Variants in NAALADL2 observed in about 807,000 individuals in gnomAD.
NAALADL2 encodes N-acetylated alpha-linked acidic dipeptidase like 2.
A neutral mutation model predicts 87.2 loss-of-function variants in NAALADL2; 76 were observed. The ratio of observed to expected loss-of-function variants is 0.87; its 90% CI spans 0.72 to 1.05. The LOEUF (loss-of-function observed/expected upper bound fraction) is 1.05. Ranked by LOEUF, NAALADL2 falls within the 50% of genes least tolerant of loss-of-function variation. The pLI is 0.00. For missense variants in NAALADL2, 1,089 were observed against 945.8 expected, an observed-to-expected ratio of 1.15 and a Z score of -1.99; for synonymous variants, 354 against 331.0, an observed-to-expected ratio of 1.07 and a Z score of -0.75.
intron 2 of NAALADL2, among the ~76,000 whole-genome samples, chr3:174,614,548 A>AC (rs771374189): frequency 6.6e-6 from 1 of 152,090 alleles, no homozygotes; most frequent in East Asian, 1.9e-4. Flanking sequence ...TTTTCTCTCC[A>AC]CCACACTGCC....
At chr3:175,233,825 A>G in intron 2 of NAALADL2, 106 bp from the exon 3 acceptor site, 1 of 664,506 alleles carries the variant, frequency 1.5e-6, no homozygotes, top group Non-Finnish European at 2.6e-6. Flanking sequence ...TCATCTTTCA[A>G]TATTCCACAA....
chr3:175,206,742 G>A (rs1740984736), intron 2 of NAALADL2, among the ~76,000 whole-genome samples: 1 of 152,008 alleles, frequency 6.6e-6, no homozygotes, highest in South Asian at 2.1e-4. Context: ...CCAACATTTG[G>A]GAATGATGCT....
At chr3:175,395,404 A>G (rs1769648308) in intron 5 of NAALADL2, among the ~76,000 whole-genome samples, 1 of 152,192 alleles carries the variant, frequency 6.6e-6, no homozygotes, top group Non-Finnish European at 1.5e-5. Flanking sequence ...CTTTTCTATC[A>G]TGCCTTGAAG....
intron 8 of NAALADL2, among the ~76,000 whole-genome samples, chr3:175,468,947 TTCTTAG>T (rs1724489958): frequency 6.6e-6 from 1 of 152,070 alleles, no homozygotes; most frequent in African/African-American, 2.4e-5. Context: ...ATTGTATATT[TTCTTAG>T]TCAATGATGC....
At chr3:174,738,374 A>G (rs973643117) in intron 3 of NAALADL2, among the ~76,000 whole-genome samples, 2 of 152,252 alleles carry the variant, frequency 1.3e-5, no homozygotes, top group Non-Finnish European at 2.9e-5. Flanking sequence ...CACTTCAGGA[A>G]CATAGACAAA....
At chr3:174,786,594 G>C (rs983585409) in intron 3 of NAALADL2, among the ~76,000 whole-genome samples, 26 of 140,898 alleles carry the variant, frequency 1.8e-4, no homozygotes, top group African/African-American at 6.4e-4. Flanking sequence ...AAGTAATACT[G>C]AGATTTTTTT....
chr3:175,455,858 A>C (rs1316139795), intron 6 of NAALADL2, among the ~76,000 whole-genome samples: 3 of 152,064 alleles, frequency 2.0e-5, no homozygotes, highest in Non-Finnish European at 2.9e-5. Flanking sequence ...ATGAAAGAAC[A>C]ATCTGGAAGT....
At chr3:175,060,301 G>A (rs1713154995) in intron 1 of NAALADL2, among the ~76,000 whole-genome samples, 1 of 152,132 alleles carries the variant, frequency 6.6e-6, no homozygotes, top group Admixed American at 6.5e-5. Flanking sequence ...CATATCTGTG[G>A]AGAAAGAAAG....
intron 1 of NAALADL2, among the ~76,000 whole-genome samples, chr3:175,019,688 C>T (rs769954315): frequency 2.0e-5 from 3 of 151,968 alleles, no homozygotes; most frequent in East Asian, 1.9e-4. Context: ...TCTGGAATGC[C>T]GTTAAGCAGT....
At chr3:175,299,592 G>C (rs901562197) in intron 4 of NAALADL2, among the ~76,000 whole-genome samples, 8 of 152,044 alleles carry the variant, frequency 5.3e-5, no homozygotes, top group African/African-American at 1.9e-4. Context: ...TTGGCTCTCT[G>C]TTTGTCTACT....
At chr3:174,762,389 G>A (rs550796885) in intron 3 of NAALADL2, among the ~76,000 whole-genome samples, 6 of 148,106 alleles carry the variant, frequency 4.1e-5, no homozygotes, top group African/African-American at 1.3e-4. Flanking sequence ...TCCTGACCTC[G>A]TGGTCCTCCC....
chr3:175,128,458 T>G (rs2054329), intron 2 of NAALADL2, among the ~76,000 whole-genome samples: 1 of 151,678 alleles, frequency 6.6e-6, no homozygotes, highest in Non-Finnish European at 1.5e-5. Context: ...TCAATTTACC[T>G]TTTTTTTCTC....
intron 11 of NAALADL2, among the ~76,000 whole-genome samples, chr3:175,641,581 G>A (rs1301007398): frequency 6.6e-6 from 1 of 152,134 alleles, no homozygotes; most frequent in Non-Finnish European, 1.5e-5. Flanking sequence ...TCCTCTCAAT[G>A]CAAGTCTTCT....
At chr3:175,252,031 A>C (rs978714325) in intron 3 of NAALADL2, among the ~76,000 whole-genome samples, 2 of 152,232 alleles carry the variant, frequency 1.3e-5, no homozygotes, top group African/African-American at 4.8e-5. Flanking sequence ...GAGCTATTTA[A>C]TTAAAATTGT....
chr3:175,684,171 T>G (rs1340451026), intron 11 of NAALADL2, among the ~76,000 whole-genome samples: 2 of 151,806 alleles, frequency 1.3e-5, no homozygotes, highest in Non-Finnish European at 2.9e-5. Context: ...AAAAAAGAAT[T>G]TACAATAACA....
intron 9 of NAALADL2, among the ~76,000 whole-genome samples, chr3:175,478,930 T>G (rs1726078747): frequency 6.6e-6 from 1 of 151,884 alleles, no homozygotes; most frequent in Admixed American, 6.6e-5. Flanking sequence ...GTTAAAAACC[T>G]ATCATTAATG....
At chr3:174,682,526 C>T (rs1048895258) in intron 2 of NAALADL2, among the ~76,000 whole-genome samples, 1 of 152,146 alleles carries the variant, frequency 6.6e-6, no homozygotes, top group Non-Finnish European at 1.5e-5. Context: ...TTGTTTTACC[C>T]CTCCCCCAAC....
intron 2 of NAALADL2, among the ~76,000 whole-genome samples, chr3:175,217,530 C>T (rs943385544): frequency 2.6e-5 from 4 of 152,048 alleles, no homozygotes; most frequent in African/African-American, 7.3e-5. Flanking sequence ...AATAGTCTGC[C>T]GGGCATCCAC....
intron 1 of NAALADL2, among the ~76,000 whole-genome samples, chr3:174,466,052 A>G (rs966412428): frequency 1.3e-5 from 2 of 152,204 alleles, no homozygotes; most frequent in African/African-American, 2.4e-5. Context: ...CAAGGTTACC[A>G]GGTCTCAAGT....
Sources: gnomAD v4.1 joint callset for allele counts (sites outside exome capture counted in the v4.1 genomes callset) on GRCh38, gnomAD v4.1.1 for gene constraint, MANE v1.5 for transcripts, NCBI Gene and HGNC (gene_info 2026-07-23, HGNC 2026-07-21) for gene names.